Variants in MUC6 observed in about 807,000 individuals in gnomAD.
The protein encoded by MUC6 is mucin-6.
MUC6 carries 188 observed loss-of-function variants against 201.5 expected under a neutral mutation model. The observed-to-expected ratio is 0.93, with a 90% CI of 0.83 to 1.05. MUC6 has a LOEUF of 1.05. MUC6 is among the 50% of genes least tolerant of loss of function. The pLI, the probability that MUC6 is intolerant of heterozygous loss-of-function variation, is 0.00. For missense variants in MUC6, 2,706 were observed against 3,256.9 expected, an observed-to-expected ratio of 0.83 and a Z score of 4.12; for synonymous variants, 1,228 against 1,389.4, an observed-to-expected ratio of 0.88 and a Z score of 2.58.
Position 1,013,651 on chromosome 11 carries a change from C to G in MUC6, c.7143-18G>C. On this transcript the variant is annotated intron_variant, in intron 32 of 32. Transcript: ENST00000421673. ...TGTTGAAGCTGCCGAGAAGTCAAGA[C>G]AGAGCAGGGTCATGACTGCTGCAGG... 2.6e-6 allele frequency: 4 copies of G among 1,554,050 alleles called. No individual in the cohort carries two copies. Among genetic ancestry groups the G allele is most frequent in the Middle Eastern group, 1.8e-4 (1 of 5,624 alleles).
chr11:1,021,367 GCT>G, intron 26 of MUC6, 90 bp from the exon 27 acceptor site: 1 of 605,818 alleles, frequency 1.7e-6, no homozygotes, highest in South Asian at 3.6e-5. Flanking sequence ...CTTCCTCTCT[GCT>G]TTTTTTTTTT....
At chr11:1,019,925 G>A (rs1290747485) in intron 29 of MUC6, 165 bp downstream of exon 29, 8 of 988,946 alleles carry the variant, frequency 8.1e-6, no homozygotes, top group African/African-American at 1.6e-5. Context: ...AAGTTTTTCC[G>A]AAAAATCCCC....
chr11:1,029,426 A>T, intron 9 of MUC6, 60 bp from the exon 10 acceptor site: 1 of 1,596,146 alleles, frequency 6.3e-7, no homozygotes, highest in South Asian at 1.1e-5. Flanking sequence ...CAGACAGCAC[A>T]CCCCTGCCTG....
Position 1,028,938 on chromosome 11 carries a change from G to A in MUC6, c.1404C>T (p.Asp468=), listed in dbSNP as rs759334589. The A allele has an allele frequency of 2.9e-5, 46 of 1,612,956 alleles. No homozygotes were observed. In the Middle Eastern group the frequency reaches 1.2e-3, roughly 40 times the overall value. Residue 468 remains aspartate (D), a synonymous_variant, in exon 12 of 33, where the codon GAC becomes GAT. Coordinates refer to ENST00000421673, the MANE Select transcript of MUC6 (RefSeq NM_005961.3). ...SRQDKIVISQ[D]EVVTNNGEAK... is the part of the protein sequence containing the mutation. ...CTTCTCCGTTGTTGGTGACCACCTC[G>A]TCCTGAGAGATCACAATTTTGTCCT...
rs1234575632 is a variant in MUC6 at position 1,013,306 on chromosome 11, T to C, written c.*150A>G. 8.0e-6 allele frequency: 6 copies of C among 748,648 alleles called. No homozygotes were observed. The highest frequency in any genetic ancestry group is 1.3e-5 in the Non-Finnish European group (6 of 473,634). The allele number at this position is 748,648 out of a possible 1,614,324, so 46.4% of individuals were successfully genotyped here. On this transcript the variant is annotated 3_prime_UTR_variant, in exon 33 of 33. Coordinates refer to ENST00000421673, the MANE Select transcript of MUC6 (RefSeq NM_005961.3). ...TGCTTGGCAGCCCCTCTCCAACCGG[T>C]GCCCCAGGGAGCCACGGCCCAGGGC...
chr11:1,030,605 G>T lies in MUC6; in HGVS notation c.860C>A (p.Pro287Gln). The change falls in exon 7 of 33, where the codon CCG becomes CAG. Residue 287 changes from proline to glutamine, a missense_variant. Physicochemically the swap from Pro to Gln is moderately conservative, Grantham distance 76. This residue lies in a region of MUC6 where 1,850 missense variants were observed against 1,958.3 expected (regional missense o/e 0.94). Transcript: ENST00000421673. ...YSRQCSMVGQPVRRWRSPGLC... is the reference protein window; with the variant it reads ...YSRQCSMVGQQVRRWRSPGLC... ...GCCGGGGCTCCGCCAGCGGCGGACC[G>T]GCTGGCCCACCATGCTGCACTGGCG... 2 of 1,532,034 alleles carry T rather than the reference G, an allele frequency of 1.3e-6. No individual in the cohort carries two copies. Among genetic ancestry groups the T allele is most frequent in the Non-Finnish European group, 1.8e-6 (2 of 1,139,096 alleles). The allele number at this position is 1,532,034 out of a possible 1,614,324, so 94.9% of individuals were successfully genotyped here. A position where few individuals can be genotyped will look rare whatever the true frequency, so the allele number is the denominator to read the frequency against.
At chr11:1,021,075 G>T in intron 27 of MUC6, 140 bp downstream of exon 27, 1 of 856,538 alleles carries the variant, frequency 1.2e-6, no homozygotes. Flanking sequence ...AGGGGCCAGG[G>T]TCCTGGAGAG....
chr11:1,015,164 C>T (rs1450452246), intron 31 of MUC6, among the ~76,000 whole-genome samples: 1 of 152,150 alleles, frequency 6.6e-6, no homozygotes, highest in African/African-American at 2.4e-5. Context: ...TGTGCTCTGT[C>T]CCCAGGCATC....
chr11:1,035,005 C>T lies in MUC6; in HGVS notation c.52+1599G>A, dbSNP rs1006537027. On this transcript the variant is annotated intron_variant, in intron 1 of 32. Coordinates refer to ENST00000421673, the MANE Select transcript of MUC6 (RefSeq NM_005961.3). ...TTGGCCAGGCGCATGGGCATCTGGG[C>T]GGGTTGGTCCGCCACCCCCGGCCTC... 4.6e-5 allele frequency among the ~76,000 whole-genome samples: 7 copies of T among 152,356 alleles called. No homozygotes were observed. The East Asian group carries it at 9.6e-4, about 21-fold the overall frequency.
In MUC6 at chr11:1,024,068, G is replaced by C; in HGVS notation, c.3261C>G (p.Arg1087=). 6.2e-7 allele frequency: 1 copy of C among 1,613,064 alleles called. No homozygotes were observed. Among genetic ancestry groups the C allele is most frequent in the South Asian group, 1.1e-5 (1 of 91,074 alleles). The change falls in exon 25 of 33, where the codon CGC becomes CGG. Residue 1087 remains arginine, a synonymous_variant. Coordinates refer to ENST00000421673, the MANE Select transcript of MUC6 (RefSeq NM_005961.3). The part of the protein sequence containing the change: ...YHLPYYEACV[R]DACGCDSGGD... ...CGCCACTGTCACACCCACATGCGTCGCGCACGCAGGCCTCGTAGTAGGGCA... is the reference window on the plus strand; with the variant it reads ...CGCCACTGTCACACCCACATGCGTCCCGCACGCAGGCCTCGTAGTAGGGCA...
chr11:1,020,140 G>A lies in MUC6; in HGVS notation c.3758C>T (p.Pro1253Leu). The change falls in exon 29 of 33, where the codon CCC (proline) becomes CTC (leucine). Residue 1253 changes from proline (P) to leucine (L), a missense_variant. Physicochemically the swap from Pro to Leu is moderately conservative, Grantham distance 98. Around this residue, in one of 10 missense-constraint regions of MUC6, gnomAD observed 1,850 missense variants for 1,958.3 expected, o/e 0.94. Coordinates refer to ENST00000421673, the MANE Select transcript of MUC6 (RefSeq NM_005961.3). The part of the protein sequence containing the change: ...NHTPASPTQT[P>L]LLPATLTSSK... ...GGATGTGAGCGTGGCTGGAAGGAGG[G>A]GTGTCTGGGTGGGGCTGGCAGGGGT... The A allele has an allele frequency of 1.2e-6, 2 of 1,613,364 alleles. No individual in the cohort carries two copies. The highest frequency in any genetic ancestry group is 1.7e-6 in the Non-Finnish European group (2 of 1,179,848).
At chr11:1,032,888 T>C in intron 2 of MUC6, 125 bp downstream of exon 2, 1 of 748,894 alleles carries the variant, frequency 1.3e-6, no homozygotes, top group Non-Finnish European at 2.1e-6. Context: ...TGTGTGTTCA[T>C]GTTGGTGCAT....
rs773836419 is a variant in MUC6, at chr11:1,025,325, C to T, written c.2842G>A (p.Gly948Arg). 1.2e-5 allele frequency: 20 copies of T among 1,612,128 alleles called. No homozygotes were observed. The highest frequency in any genetic ancestry group is 3.3e-4 in the Middle Eastern group (2 of 6,082). Reference protein sequence around the residue: ...VLADRNYTVTGEEPHVQLGVT... With the variant: ...VLADRNYTVTREEPHVQLGVT... ...CCGAGCTGCACGTGGGGCTCCTCCC[C>T]GGTGACCGTGTAGTTTCTGTCCGCC... The change falls in exon 23 of 33, where the codon GGG (glycine) becomes AGG (arginine). Residue 948 changes from glycine (G) to arginine (R), a missense_variant. Physicochemically the swap from Gly to Arg is moderately radical, Grantham distance 125. Around this residue, in one of 10 missense-constraint regions of MUC6, gnomAD observed 1,850 missense variants for 1,958.3 expected, o/e 0.94. Coordinates refer to ENST00000421673, the MANE Select transcript of MUC6 (RefSeq NM_005961.3).
At position 1,026,151 on chromosome 11, in the gene MUC6, C is replaced by A; in HGVS notation, c.2547-10G>T. On this transcript the variant is annotated splice_polypyrimidine_tract_variant and intron_variant, in intron 20 of 32. Coordinates refer to ENST00000421673, the MANE Select transcript of MUC6 (RefSeq NM_005961.3). ...CCCCCTTGAGCAGGAGCTGTGGAGACAGCAGGTGTGGGTGGTGGGCCTGCG... is the reference window on the plus strand; with the variant it reads ...CCCCCTTGAGCAGGAGCTGTGGAGAAAGCAGGTGTGGGTGGTGGGCCTGCG... The A allele has an allele frequency of 6.3e-7, 1 of 1,589,540 alleles. No homozygotes were observed.
chr11:1,025,457 G>T, intron 22 of MUC6, 90 bp from the exon 23 acceptor site: 1 of 1,458,482 alleles, frequency 6.9e-7, no homozygotes, highest in Non-Finnish European at 9.3e-7. Context: ...AGACAGAGCT[G>T]CCCAGGTCTG....
chr11:1,029,618 G>C lies in MUC6; in HGVS notation c.1016-3C>G, dbSNP rs1564843674. The C allele has an allele frequency of 2.5e-6, 4 of 1,572,770 alleles. No homozygotes were observed. Among genetic ancestry groups the C allele is most frequent in the Non-Finnish European group, 3.5e-6 (4 of 1,155,552 alleles). On this transcript the variant is annotated splice_region_variant and splice_polypyrimidine_tract_variant and intron_variant, in intron 8 of 32. Transcript: ENST00000421673. Reference sequence around the variant, plus strand: ...GGAGAGGTCATTCAGGACCGTACCTGCAGGAGAGGGTCTTCTTGGGGCTTG... The same window carrying C: ...GGAGAGGTCATTCAGGACCGTACCTCCAGGAGAGGGTCTTCTTGGGGCTTG...
rs1358268931 is a variant in MUC6 at position 1,028,975 on chromosome 11, G to A, written c.1381-14C>T. ...CACAATTTTGTCCTGGAGAGAGGGT[G>A]GCCTGAGTCAGGGTGCAGGCACCAG... On this transcript the variant is annotated splice_polypyrimidine_tract_variant and intron_variant, in intron 11 of 32. Transcript: ENST00000421673. 1 of 1,613,088 alleles carries A rather than the reference G, an allele frequency of 6.2e-7. No individual in the cohort carries two copies. The highest frequency in any genetic ancestry group is 1.1e-5 in the South Asian group (1 of 91,082).
In MUC6 at chr11:1,028,247, A is replaced by G. The variant is rs1396283834; in HGVS notation, c.1732T>C (p.Cys578Arg). The change falls in exon 14 of 33, where the codon TGC (cysteine) becomes CGC (arginine). Residue 578 changes from cysteine (C) to arginine (R), a missense_variant. Transcript: ENST00000421673. Reference sequence around the variant, plus strand: ...TCACTGTTGAGCTGGCTCATGGAGCAGGGGTCAGTCTCACGCTCCAGAGCG... The same window carrying G: ...TCACTGTTGAGCTGGCTCATGGAGCGGGGGTCAGTCTCACGCTCCAGAGCG... ...PAALERETDP[C>R]SMSQLNKVCA... 4 of 1,585,234 alleles carry G rather than the reference A, an allele frequency of 2.5e-6. No homozygotes were observed. In the African/African-American group the frequency reaches 5.4e-5, roughly 21 times the overall value.
rs1474261500 is a variant in MUC6, at chr11:1,018,631, TTGAG to T, written c.4166_4169del (p.Thr1389LysfsTer66). ...TTGTGTATTCAGTAGTCGTTCTTGT[TTGAG>T]TGGTCTCTGTGGCTGTGGGCCTCGT... On this transcript the variant is annotated frameshift_variant, in exon 31 of 33. Coordinates refer to ENST00000421673, the MANE Select transcript of MUC6 (RefSeq NM_005961.3). LOFTEE classifies it high-confidence loss of function. 2.5e-6 allele frequency: 4 copies of T among 1,613,100 alleles called. No homozygotes were observed. Among genetic ancestry groups the T allele is most frequent in the Non-Finnish European group, 3.4e-6 (4 of 1,179,604 alleles).
Sources: allele counts gnomAD v4.1 joint callset (sites outside exome capture counted in the v4.1 genomes callset), GRCh38; gene constraint gnomAD v4.1.1; regional missense constraint gnomAD v4.1.1; transcripts MANE v1.5; gene names NCBI Gene and HGNC (gene_info 2026-07-23, HGNC 2026-07-21).